Variants in OSMR observed in about 807,000 individuals in gnomAD.
OSMR encodes the protein oncostatin-M-specific receptor subunit beta.
In OSMR, 81 loss-of-function variants were observed where a neutral mutation model predicts 99.9. The observed-to-expected ratio is 0.81, with a 90% CI of 0.68 to 0.97. The LOEUF (loss-of-function observed/expected upper bound fraction) is 0.97, where lower values mean the gene tolerates loss of function less well. Ranked by LOEUF, OSMR falls within the 50% of genes least tolerant of loss-of-function variation. OSMR has a pLI of 0.00. For synonymous variants in OSMR, 406 were observed against 410.4 expected, an observed-to-expected ratio of 0.99 and a Z score of 0.13; for missense variants, 1,099 against 1,153.4, an observed-to-expected ratio of 0.95 and a Z score of 0.68.
At chr5:38,890,365 CT>C (rs1342144100) in intron 7 of OSMR, among the ~76,000 whole-genome samples, 1 of 152,152 alleles carries the variant, frequency 6.6e-6, no homozygotes, top group Non-Finnish European at 1.5e-5. Flanking sequence ...GCAGAAATAA[CT>C]TATATTATTG....
At chr5:38,945,486 C>A, downstream of OSMR, 1 of 1,592,260 alleles carries the variant, frequency 6.3e-7, no homozygotes, top group Non-Finnish European at 8.6e-7. Flanking sequence ...GACGTGATCA[C>A]TTACCTGAAT....
chr5:38,911,457 T>C (rs1306004383), intron 9 of OSMR, among the ~76,000 whole-genome samples: 1 of 152,186 alleles, frequency 6.6e-6, no homozygotes, highest in Non-Finnish European at 1.5e-5. Flanking sequence ...CAGGACCAGA[T>C]GCATTCACAG....
chr5:38,899,345 C>T (rs2112509512), intron 7 of OSMR, among the ~76,000 whole-genome samples: 1 of 152,190 alleles, frequency 6.6e-6, no homozygotes, highest in African/African-American at 2.4e-5. Flanking sequence ...CCTCTGTGTC[C>T]CAGGTCAGAT....
At chr5:38,854,087 C>T (rs1413781549) in intron 1 of OSMR, among the ~76,000 whole-genome samples, 3 of 151,998 alleles carry the variant, frequency 2.0e-5, no homozygotes, top group African/African-American at 2.4e-5. Flanking sequence ...ATGCAGAACC[C>T]GCAAGAAGTA....
At chr5:38,891,683 G>A (rs956070961) in intron 7 of OSMR, among the ~76,000 whole-genome samples, 1 of 152,150 alleles carries the variant, frequency 6.6e-6, no homozygotes, top group Admixed American at 6.5e-5. Context: ...AGAACTGCCT[G>A]GAGTCTTTAG....
intron 15 of OSMR, 111 bp downstream of exon 15, chr5:38,925,482 C>T (rs1228363611): frequency 1.9e-5 from 18 of 926,640 alleles, no homozygotes; most frequent in Non-Finnish European, 2.6e-5. Flanking sequence ...AACCTTTCTT[C>T]TCCCCTTCTC....
chr5:38,944,764 A>G (rs1440132400), intron 2 of OSMR: 1 of 853,816 alleles, frequency 1.2e-6, no homozygotes, highest in Non-Finnish European at 1.9e-6. Context: ...TATAGGTGCA[A>G]TAATTAACAG....
At chr5:38,874,421 C>T (rs1365143961) in intron 2 of OSMR, among the ~76,000 whole-genome samples, 1 of 152,142 alleles carries the variant, frequency 6.6e-6, no homozygotes, top group Non-Finnish European at 1.5e-5. Context: ...CTTTTATGGG[C>T]ATTCTTGTTC....
Position 38,868,909 on chromosome 5 carries a change from T to C in OSMR, c.-13-123T>C, listed in dbSNP as rs1247692835. On this transcript the variant is annotated intron_variant, in intron 1 of 17. Coordinates refer to ENST00000274276, the MANE Select transcript of OSMR (RefSeq NM_003999.3). Reference sequence around the variant, plus strand: ...CTCTAAAGTACCATGACAAGAGGCATGGATACAGGGAAGGGAGAAGTATGG... The same window carrying C: ...CTCTAAAGTACCATGACAAGAGGCACGGATACAGGGAAGGGAGAAGTATGG... 6 of 1,137,442 alleles carry C rather than the reference T, an allele frequency of 5.3e-6. No homozygotes were observed. The East Asian group carries it at 1.1e-4, about 20-fold the overall frequency. The allele number at this position is 1,137,442 out of a possible 1,614,324, so 70.5% of individuals were successfully genotyped here. A position where few individuals can be genotyped will look rare whatever the true frequency, so the allele number is the denominator to read the frequency against.
rs1202500629 is a variant in OSMR at position 38,918,885 on chromosome 5, G to A, written c.1408G>A (p.Val470Ile). ...CAATGGAAAGATCCTGTTCTATAAT[G>A]TAGTTGTAGAAAACCTAGACAAACC... Reference protein sequence around the residue: ...HANGKILFYNVVVENLDKPSS... With the variant: ...HANGKILFYNIVVENLDKPSS... Residue 470 changes from valine to isoleucine, a missense_variant, in exon 11 of 18, where the codon GTA becomes ATA. Coordinates refer to ENST00000274276, the MANE Select transcript of OSMR (RefSeq NM_003999.3). 6.2e-7 allele frequency: 1 copy of A among 1,613,754 alleles called. No homozygotes were observed. The highest frequency in any genetic ancestry group is 1.3e-5 in the African/African-American group (1 of 74,894).
intron 1 of OSMR, among the ~76,000 whole-genome samples, chr5:38,857,767 A>C (rs1740969734): frequency 6.6e-6 from 1 of 152,050 alleles, no homozygotes; most frequent in Admixed American, 6.6e-5. Context: ...TCCTAGGTTC[A>C]AGCAATTCTC....
chr5:38,866,732 G>T (rs1321306960), intron 1 of OSMR, among the ~76,000 whole-genome samples: 1 of 152,028 alleles, frequency 6.6e-6, no homozygotes, highest in African/African-American at 2.4e-5. Flanking sequence ...AGGGGGCGGG[G>T]ACCCCACACA....
chr5:38,848,321 C>T (rs981829985), intron 1 of OSMR, among the ~76,000 whole-genome samples: 2 of 152,160 alleles, frequency 1.3e-5, no homozygotes, highest in Non-Finnish European at 2.9e-5. Flanking sequence ...CTGGAGAAAT[C>T]CCCTCCTCCA....
chr5:38,927,433 C>A (rs1746520591), intron 15 of OSMR, among the ~76,000 whole-genome samples: 1 of 152,220 alleles, frequency 6.6e-6, no homozygotes, highest in African/African-American at 2.4e-5. Flanking sequence ...GGTTCCCAAA[C>A]CTCAATTCTT....
Position 38,925,315 on chromosome 5 carries a change from G to C in OSMR, c.2156G>C (p.Ser719Thr). ...GAGTTTTTCATCACTCCATTCACTA[G>C]TGCTGGTGAAGGCCCCAGTGCTACG... Reference protein sequence around the residue: ...FYEFFITPFTSAGEGPSATFT... With the variant: ...FYEFFITPFTTAGEGPSATFT... The change falls in exon 15 of 18, where the codon AGT (serine) becomes ACT (threonine). Residue 719 changes from serine (S) to threonine (T), a missense_variant. Physicochemically the swap from Ser to Thr is moderately conservative, Grantham distance 58 (BLOSUM62 1). Coordinates refer to ENST00000274276, the MANE Select transcript of OSMR (RefSeq NM_003999.3). The C allele has an allele frequency of 6.2e-7, 1 of 1,614,096 alleles. No individual in the cohort carries two copies. Among genetic ancestry groups the C allele is most frequent in the Non-Finnish European group, 8.5e-7 (1 of 1,180,014 alleles).
At chr5:38,849,467 TG>T (rs748661963) in intron 1 of OSMR, among the ~76,000 whole-genome samples, 36,265 of 150,186 alleles carry the variant, frequency 0.24, 4,616 homozygotes, top group South Asian at 0.39. Context: ...TCTTTTTTTT[TG>T]TTTGTTTTTC....
chr5:38,932,592 G>A, intron 17 of OSMR, 57 bp downstream of exon 17: 1 of 1,576,104 alleles, frequency 6.3e-7, no homozygotes, highest in Non-Finnish European at 8.7e-7. Flanking sequence ...AACCCAGAGT[G>A]GGGGCTGTCA....
intron 1 of OSMR, among the ~76,000 whole-genome samples, chr5:38,863,919 T>G (rs1741719860): frequency 1.0e-5 from 1 of 98,532 alleles, no homozygotes; most frequent in Non-Finnish European, 2.5e-5. Context: ...ATAACAACTT[T>G]CTTTTTCTCT....
At chr5:38,876,090 G>A (rs796833759) in intron 2 of OSMR, 111 bp from the exon 3 acceptor site, 24 of 1,486,922 alleles carry the variant, frequency 1.6e-5, no homozygotes, top group African/African-American at 2.8e-5. Context: ...ATGCACATAT[G>A]AGCAATATTT....
Sources: allele counts gnomAD v4.1 joint callset (sites outside exome capture counted in the v4.1 genomes callset), GRCh38; gene constraint gnomAD v4.1.1; transcripts MANE v1.5; gene names NCBI Gene and HGNC (gene_info 2026-07-23, HGNC 2026-07-21).